The following MYOM3 variants were observed in gnomAD, a reference collection of about 807,000 sequenced individuals.
The protein encoded by MYOM3 is myomesin-3.
Under a neutral mutation model 191.7 loss-of-function variants are expected in MYOM3, and 155 were observed. The ratio of observed to expected loss-of-function variants is 0.81; its 90% CI spans 0.71 to 0.92. The LOEUF is 0.92. Among genes scored for constraint, MYOM3 ranks in the 40% least tolerant of loss-of-function variants. The probability of loss-of-function intolerance (pLI) is 0.00; values close to 1 mark genes in which losing one functional copy is unlikely to be tolerated. For missense variants in MYOM3, 1,889 were observed against 1,890.6 expected, an observed-to-expected ratio of 1.00 and a Z score of 0.02; for synonymous variants, 757 against 762.9, an observed-to-expected ratio of 0.99 and a Z score of 0.13.
intron 20 of MYOM3, among the ~76,000 whole-genome samples, chr1:24,077,653 G>T (rs1367697005): frequency 8.5e-5 from 13 of 152,204 alleles, no homozygotes. Context: ...TATTGTTATT[G>T]CCTGCTACCC....
rs902744426 is a variant in MYOM3, at chr1:24,080,270, G to GCAGT, written c.2408-80_2408-77dup. The GCAGT allele has an allele frequency of 2.0e-5, 24 of 1,205,054 alleles. 1 individual carries two copies. Among genetic ancestry groups the GCAGT allele is most frequent in the Middle Eastern group, 2.2e-4 (1 of 4,502 alleles). The allele number at this position is 1,205,054 out of a possible 1,614,324, so 74.6% of individuals were successfully genotyped here. On this transcript the variant is annotated intron_variant, in intron 19 of 36. Transcript: ENST00000374434. ...GCCAGCCAGGTAAGCAGCAAGCCCA[G>GCAGT]CAGTCAGTCAACAAGCTTGTCAATC...
At chr1:24,078,867 G>A (rs562834027) in intron 20 of MYOM3, among the ~76,000 whole-genome samples, 23 of 152,256 alleles carry the variant, frequency 1.5e-4, no homozygotes, top group African/African-American at 5.5e-4. Flanking sequence ...TTCCTGATAT[G>A]TCTAAGTATT....
intron 15 of MYOM3, 139 bp from the exon 16 acceptor site, chr1:24,084,778 G>C: frequency 2.6e-6 from 2 of 776,864 alleles, no homozygotes; most frequent in Non-Finnish European, 4.2e-6. Flanking sequence ...CCTGCTGGGG[G>C]CTTTGGGACC....
intron 1 of MYOM3, among the ~76,000 whole-genome samples, chr1:24,110,981 C>G (rs904522740): frequency 6.6e-6 from 1 of 152,212 alleles, no homozygotes; most frequent in African/African-American, 2.4e-5. Flanking sequence ...GCTCTGTTCC[C>G]GATTAGCACA....
At chr1:24,085,700 A>G (rs938276517) in intron 15 of MYOM3, among the ~76,000 whole-genome samples, 17 of 152,128 alleles carry the variant, frequency 1.1e-4, no homozygotes, top group African/African-American at 3.9e-4. Flanking sequence ...AGTGTGGTTT[A>G]TGGTCCAGAG....
At chr1:24,106,821 G>A (rs372153900) in intron 4 of MYOM3, among the ~76,000 whole-genome samples, 4 of 152,090 alleles carry the variant, frequency 2.6e-5, no homozygotes, top group East Asian at 3.9e-4. Context: ...CGCCTACCTC[G>A]GCCTCCCAAA....
chr1:24,076,873 G>T (rs897327538), intron 20 of MYOM3, among the ~76,000 whole-genome samples: 1 of 151,928 alleles, frequency 6.6e-6, no homozygotes, highest in South Asian at 2.1e-4. Flanking sequence ...CCAGGCTGGA[G>T]TGCAGTGGCG....
At chr1:24,090,393 C>T (rs937702773) in intron 12 of MYOM3, among the ~76,000 whole-genome samples, 2 of 152,176 alleles carry the variant, frequency 1.3e-5, no homozygotes, top group African/African-American at 2.4e-5. Flanking sequence ...GGCACCCTGC[C>T]ACGGTGGAGC....
At chr1:24,085,280 A>AGATGGATGGATGGATGGATGGATGGATG (rs55900087) in intron 15 of MYOM3, among the ~76,000 whole-genome samples, 5 of 137,544 alleles carry the variant, frequency 3.6e-5, no homozygotes, top group Admixed American at 1.4e-4. Flanking sequence ...ATGGATGGAT[A>AGATGGATGGATGGATGGATGGATGGATG]GATGGATGGA....
rs142868576 is a variant in MYOM3 at position 24,067,509 on chromosome 1, C to A, written c.3356-421G>T. Among the ~76,000 whole-genome samples, 536 of 149,952 alleles carry A rather than the reference C, an allele frequency of 3.6e-3. 7 individuals are homozygous for A. The highest frequency in any genetic ancestry group is 0.012 in the African/African-American group (504 of 40,592). On this transcript the variant is annotated intron_variant, in intron 27 of 36. Coordinates refer to ENST00000374434, the MANE Select transcript of MYOM3 (RefSeq NM_152372.4). ...ACAGAGTCTCGCTCTGTTGCCTAGG[C>A]TAGAGTGCAGTGGCGCAATCTCGGC... is the stretch of plus-strand genomic sequence containing the variant.
intron 19 of MYOM3, among the ~76,000 whole-genome samples, chr1:24,081,061 A>G (rs527844791): frequency 6.6e-6 from 1 of 152,338 alleles, no homozygotes; most frequent in East Asian, 1.9e-4. Context: ...TATGGCTAGA[A>G]GCAGGCAGGC....
intron 6 of MYOM3, 34 bp downstream of exon 6, chr1:24,099,645 TG>T: frequency 6.5e-7 from 1 of 1,546,032 alleles, no homozygotes. Flanking sequence ...TGGCAGGGTC[TG>T]GGGTCATAGG....
intron 4 of MYOM3, among the ~76,000 whole-genome samples, chr1:24,106,692 C>T (rs887140340): frequency 1.1e-4 from 16 of 152,134 alleles, no homozygotes; most frequent in Non-Finnish European, 1.9e-4. Flanking sequence ...AAGCGATTCT[C>T]CTGCCTCAGC....
rs1643428846 is a variant in MYOM3, at chr1:24,065,967, C to T, written c.3458G>A (p.Trp1153Ter). Residue 1153 changes from tryptophan to a stop codon, truncating the protein, a stop_gained, in exon 29 of 37, where the codon TGG (tryptophan) becomes TAG (stop). Coordinates refer to ENST00000374434, the MANE Select transcript of MYOM3 (RefSeq NM_152372.4). LOFTEE classifies it high-confidence loss of function. ...TNTKKETRFQ[W>*]FFQRAEMPDG... ...TGGCATCTCTGCCCTCTGGAAGAAC[C>T]ACTGAAAGCGAGTCTCCTTCTTGGT... The T allele has an allele frequency of 6.2e-7, 1 of 1,614,142 alleles. No individual in the cohort carries two copies.
chr1:24,095,501 G>C lies in MYOM3; in HGVS notation c.746-15C>G. On this transcript the variant is annotated splice_polypyrimidine_tract_variant and intron_variant, in intron 7 of 36. Coordinates refer to ENST00000374434, the MANE Select transcript of MYOM3 (RefSeq NM_152372.4). ...CCCCAGGTAAGCTGAAAAACCAAAGGCAAACAGAGTTGGAGAAGGTTCAGA... is the reference window on the plus strand; with the variant it reads ...CCCCAGGTAAGCTGAAAAACCAAAGCCAAACAGAGTTGGAGAAGGTTCAGA... 6.2e-7 allele frequency: 1 copy of C among 1,611,746 alleles called. No homozygotes were observed. Among genetic ancestry groups the C allele is most frequent in the South Asian group, 1.1e-5 (1 of 90,812 alleles).
chr1:24,101,450 A>G (rs1643933920), intron 5 of MYOM3, among the ~76,000 whole-genome samples: 1 of 152,236 alleles, frequency 6.6e-6, no homozygotes, highest in Admixed American at 6.5e-5. Context: ...CAGTATTTTG[A>G]AAATCCCCTG....
chr1:24,073,121 TG>T, intron 23 of MYOM3, among the ~76,000 whole-genome samples: 1 of 152,252 alleles, frequency 6.6e-6, no homozygotes, highest in Non-Finnish European at 1.5e-5. Flanking sequence ...TTGTTTCAGG[TG>T]GGGGCAGCCA....
chr1:24,083,399 C>G (rs1643697916), intron 16 of MYOM3: 1 of 152,526 alleles, frequency 6.6e-6, no homozygotes, highest in African/African-American at 2.4e-5. Flanking sequence ...CAGGAGCTCT[C>G]AGGCCTTCGG....
intron 7 of MYOM3, 78 bp from the exon 8 acceptor site, chr1:24,095,564 G>T: frequency 1.5e-6 from 2 of 1,335,846 alleles, no homozygotes; most frequent in Non-Finnish European, 2.1e-6. Context: ...CATGGGCTTT[G>T]GATATGAGTT....
Sources: allele counts gnomAD v4.1 joint callset (sites outside exome capture counted in the v4.1 genomes callset), GRCh38; gene constraint gnomAD v4.1.1; transcripts MANE v1.5; gene names NCBI Gene and HGNC (gene_info 2026-07-23, HGNC 2026-07-21).